AIG1: variants seen among roughly 807,000 people sequenced by gnomAD.
The protein encoded by AIG1 is androgen induced 1.
AIG1 carries 23 observed loss-of-function variants against 31.4 expected under a neutral mutation model. The observed-to-expected ratio is 0.73, with a 90% confidence interval of 0.53 to 1.04. AIG1 has a LOEUF of 1.04. AIG1 is among the 50% of genes least tolerant of loss of function. The pLI is 0.00. For synonymous variants in AIG1, 100 were observed against 110.5 expected, an observed-to-expected ratio of 0.90 and a Z score of 0.60; for missense variants, 274 against 295.0, an observed-to-expected ratio of 0.93 and a Z score of 0.52.
intron 2 of AIG1, among the ~76,000 whole-genome samples, chr6:143,145,765 A>G (rs953489093): frequency 6.6e-6 from 1 of 152,252 alleles, no homozygotes; most frequent in Middle Eastern, 3.2e-3. Context: ...TTAGGGAATA[A>G]CAATATGTAA....
At chr6:143,187,243 C>T in intron 3 of AIG1, 1 of 630,126 alleles carries the variant, frequency 1.6e-6, no homozygotes, top group Middle Eastern at 2.6e-4. Context: ...TTAAGAATTC[C>T]CCCTTCATCA....
In AIG1 at chr6:143,327,302, A is replaced by T. The variant is rs1318595672; in HGVS notation, c.516-5980A>T. The T allele has an allele frequency of 4.6e-6, 1 of 215,302 alleles. No homozygotes were observed. Among genetic ancestry groups the T allele is most frequent in the Non-Finnish European group, 9.5e-6 (1 of 105,676 alleles). The allele number at this position is 215,302 out of a possible 1,614,324, so 13.3% of individuals were successfully genotyped here. A position where few individuals can be genotyped will look rare whatever the true frequency, so the allele number is the denominator to read the frequency against. On this transcript the variant is annotated intron_variant, in intron 4 of 5. Coordinates refer to ENST00000357847, the MANE Select transcript of AIG1 (RefSeq NM_016108.4). This position sits in a 1 kb window ranked among gnomAD's most constrained non-coding sequence, Gnocchi z 5.3. ...GGTTCTCACAAAGAAGGATGGCAAG[A>T]CAAAAAGGGCCACTCTGCCATCAAC...
intron 3 of AIG1, among the ~76,000 whole-genome samples, chr6:143,178,018 G>A (rs1247535879): frequency 2.0e-5 from 3 of 152,196 alleles, no homozygotes; most frequent in East Asian, 1.9e-4. Flanking sequence ...TATGGGAGGG[G>A]CGTCTGCTCT....
At chr6:143,322,550 G>C (rs911327225) in intron 4 of AIG1, among the ~76,000 whole-genome samples, 6 of 152,176 alleles carry the variant, frequency 3.9e-5, no homozygotes, top group African/African-American at 1.4e-4. Flanking sequence ...AAGCAAAACA[G>C]GTCATGAATG....
intron 3 of AIG1, among the ~76,000 whole-genome samples, chr6:143,178,900 A>G (rs1365518708): frequency 6.6e-6 from 1 of 152,222 alleles, no homozygotes; most frequent in Non-Finnish European, 1.5e-5. Context: ...TGGGAGAGAC[A>G]TAAGAAATTA....
chr6:143,276,762 A>T (rs1370938023), intron 3 of AIG1, among the ~76,000 whole-genome samples: 1 of 152,204 alleles, frequency 6.6e-6, no homozygotes, highest in African/African-American at 2.4e-5. Context: ...GAGCTGACCA[A>T]TTAGCGAAAT....
intron 3 of AIG1, among the ~76,000 whole-genome samples, chr6:143,252,616 A>T (rs1368439843): frequency 6.6e-6 from 1 of 152,212 alleles, no homozygotes; most frequent in Non-Finnish European, 1.5e-5. Context: ...GTTGTGGGCT[A>T]ACCCGAACAT....
intron 2 of AIG1, among the ~76,000 whole-genome samples, chr6:143,153,348 CTT>C (rs112500545): frequency 0.019 from 2,867 of 152,010 alleles, 69 homozygotes; most frequent in African/African-American, 0.058. Flanking sequence ...TTTATTAATG[CTT>C]TTTATTTTTA....
Position 143,091,047 on chromosome 6 carries a change from A to C in AIG1, c.141+29981A>C, listed in dbSNP as rs577445030. Among the ~76,000 whole-genome samples the C allele has an allele frequency of 6.0e-4, 91 of 152,332 alleles. 1 individual carries two copies. The highest frequency in any genetic ancestry group is 2.1e-3 in the African/African-American group (88 of 41,586). On this transcript the variant is annotated intron_variant, in intron 1 of 5. Transcript: ENST00000357847. ...TGTTCACAGTATCTTCAACAGGTGT[A>C]GATTCCATTTCAAGAAAGCATTTTC...
chr6:143,105,227 G>C (rs1780694984), intron 1 of AIG1, among the ~76,000 whole-genome samples: 1 of 152,200 alleles, frequency 6.6e-6, no homozygotes, highest in South Asian at 2.1e-4. Context: ...CAAAGACTGA[G>C]AGAACGTACA....
chr6:143,213,179 T>C (rs1036926187), intron 3 of AIG1, among the ~76,000 whole-genome samples: 16 of 152,344 alleles, frequency 1.1e-4, no homozygotes, highest in African/African-American at 3.4e-4. Flanking sequence ...TGCAGTATCA[T>C]TTAAAATATA....
At position 143,292,396 on chromosome 6, in the gene AIG1, G is replaced by A. The variant is rs1328215451; in HGVS notation, c.515+8171G>A. Among the ~76,000 whole-genome samples, 4 of 152,178 alleles carry A rather than the reference G, an allele frequency of 2.6e-5. No homozygotes were observed. Among genetic ancestry groups the A allele is most frequent in the Non-Finnish European group, 4.4e-5 (3 of 68,038 alleles). On this transcript the variant is annotated intron_variant, in intron 4 of 5. Transcript: ENST00000357847. The surrounding 1 kb of genome is among the most constrained non-coding windows in gnomAD (Gnocchi z 4.9). The stretch of plus-strand genomic sequence containing the variant: ...GTGGTCAGAGAGAGACATGACTGCC[G>A]AAGGACAGTTAGAGAGATGCAGTGG...
intron 1 of AIG1, among the ~76,000 whole-genome samples, chr6:143,128,117 G>A (rs1049020879): frequency 6.6e-6 from 1 of 152,178 alleles, no homozygotes; most frequent in African/African-American, 2.4e-5. Context: ...TTACAAACAG[G>A]AGTGTAATAG....
chr6:143,151,018 A>G (rs963381939), intron 2 of AIG1, among the ~76,000 whole-genome samples: 8 of 152,212 alleles, frequency 5.3e-5, no homozygotes, highest in East Asian at 1.9e-4. Flanking sequence ...AGTGCTCTCA[A>G]ACAGAAAGAT....
At chr6:143,286,733 G>T (rs567485730) in intron 4 of AIG1, among the ~76,000 whole-genome samples, 1 of 152,262 alleles carries the variant, frequency 6.6e-6, no homozygotes, top group East Asian at 1.9e-4. Context: ...AAAAGAAATA[G>T]ATGGCCTGTG....
At chr6:143,269,610 A>G (rs1365765733) in intron 3 of AIG1, among the ~76,000 whole-genome samples, 4 of 152,266 alleles carry the variant, frequency 2.6e-5, no homozygotes, top group African/African-American at 7.2e-5. Context: ...ACATCATATT[A>G]TAGTCACACA....
chr6:143,267,782 T>C (rs948857723), intron 3 of AIG1, among the ~76,000 whole-genome samples: 2 of 152,192 alleles, frequency 1.3e-5, no homozygotes, highest in Non-Finnish European at 2.9e-5. Context: ...GTCCAGTCTC[T>C]GTTCATGAGG....
chr6:143,343,877 A>G (rs1777904765), downstream of AIG1, among the ~76,000 whole-genome samples: 1 of 152,148 alleles, frequency 6.6e-6, no homozygotes, highest in Non-Finnish European at 1.5e-5. Context: ...CAACAAATAT[A>G]AAATGATCCT....
intron 3 of AIG1, among the ~76,000 whole-genome samples, chr6:143,269,365 C>G (rs565506370): frequency 6.6e-6 from 1 of 152,186 alleles, no homozygotes; most frequent in Non-Finnish European, 1.5e-5. Context: ...ACACTGCTGA[C>G]GGGAGGGTCT....
Sources: allele counts gnomAD v4.1 joint callset (sites outside exome capture counted in the v4.1 genomes callset), GRCh38; gene constraint gnomAD v4.1.1; non-coding constraint Gnocchi (gnomAD v3.1); transcripts MANE v1.5; gene names NCBI Gene and HGNC (gene_info 2026-07-23, HGNC 2026-07-21).